The following ITGA6 variants were observed in gnomAD, a reference collection of about 807,000 sequenced individuals.
The protein encoded by ITGA6 is integrin subunit alpha 6.
A neutral mutation model predicts 133.6 loss-of-function variants in ITGA6; 63 were observed. That is an observed-to-expected ratio of 0.47 (90% CI 0.38 to 0.58). The LOEUF is 0.58. ITGA6 is among the 20% of genes least tolerant of loss of function. The pLI, the probability that ITGA6 is intolerant of heterozygous loss-of-function variation, is 0.00. For synonymous variants in ITGA6, 434 were observed against 482.0 expected, an observed-to-expected ratio of 0.90 and a Z score of 1.30; for missense variants, 1,068 against 1,309.4, an observed-to-expected ratio of 0.82 and a Z score of 2.85.
chr2:172,447,269 G>A (rs1684807940), intron 1 of ITGA6, among the ~76,000 whole-genome samples: 1 of 152,046 alleles, frequency 6.6e-6, no homozygotes, highest in Admixed American at 6.5e-5. Flanking sequence ...CGTCCAGACT[G>A]GAGTGCAGTG....
intron 1 of ITGA6, among the ~76,000 whole-genome samples, chr2:172,440,445 G>T (rs58514604): frequency 0.2 from 30,062 of 152,016 alleles, 4,231 homozygotes; most frequent in East Asian, 0.78. Context: ...TAAAGTGTAT[G>T]ATTCAGTATT....
At chr2:172,479,938 T>C in intron 10 of ITGA6, 52 bp from the exon 11 acceptor site, 1 of 1,302,526 alleles carries the variant, frequency 7.7e-7, no homozygotes, top group Non-Finnish European at 1.1e-6. Context: ...TGTTGGGTTT[T>C]TTCCACTGCA....
chr2:172,465,681 ACT>A lies in ITGA6; in HGVS notation c.307+20_307+21del. On this transcript the variant is annotated intron_variant, in intron 2 of 25. Coordinates refer to ENST00000684293, the MANE Select transcript of ITGA6 (RefSeq NM_000210.4). ...TAACGATGGTGCGTTCCTTTCCCTC[ACT>A]CAGCGTTCACTCCGGCAGCTTGCCT... 1.2e-6 allele frequency: 2 copies of A among 1,613,912 alleles called. No individual in the cohort carries two copies. Among genetic ancestry groups the A allele is most frequent in the Non-Finnish European group, 1.7e-6 (2 of 1,179,878 alleles).
At position 172,504,495 on chromosome 2, in the gene ITGA6, T is replaced by C. The variant is rs1189513261; in HGVS notation, c.*427T>C. The C allele has an allele frequency of 2.2e-5, 8 of 362,014 alleles. No homozygotes were observed. In the South Asian group the frequency reaches 2.8e-4, roughly 13 times the overall value. 22.4% of individuals were successfully genotyped at this position (362,014 alleles called of 1,614,324 possible). ...AACTGCCGTAATTTAACTTTCTGGG[T>C]TGCCTTTATTTTTGGCGTGGCTGAC... On this transcript the variant is annotated 3_prime_UTR_variant, in exon 26 of 26. Transcript: ENST00000684293.
chr2:172,445,356 A>G (rs1684718016), intron 1 of ITGA6, among the ~76,000 whole-genome samples: 1 of 140,362 alleles, frequency 7.1e-6, no homozygotes, highest in African/African-American at 2.5e-5. Context: ...TTTTTTAACA[A>G]AAAAAAAAAA....
intron 23 of ITGA6, among the ~76,000 whole-genome samples, chr2:172,493,673 A>C (rs962914720): frequency 6.6e-6 from 1 of 152,196 alleles, no homozygotes; most frequent in Non-Finnish European, 1.5e-5. Flanking sequence ...ACTCTGTGGC[A>C]CTTGGTCCCC....
chr2:172,499,988 T>G (rs1559158839), intron 24 of ITGA6, among the ~76,000 whole-genome samples: 1 of 152,224 alleles, frequency 6.6e-6, no homozygotes, highest in South Asian at 2.1e-4. Flanking sequence ...GACTCTAAAA[T>G]ACGACTTATA....
intron 1 of ITGA6, chr2:172,428,509 G>T (rs1389204333): frequency 6.6e-6 from 1 of 151,194 alleles, no homozygotes; most frequent in Non-Finnish European, 1.5e-5. Flanking sequence ...TCAGCAAGGC[G>T]GGGGCGCTCC....
At chr2:172,448,554 A>G (rs1262428622) in intron 1 of ITGA6, among the ~76,000 whole-genome samples, 1 of 152,222 alleles carries the variant, frequency 6.6e-6, no homozygotes, top group Non-Finnish European at 1.5e-5. Flanking sequence ...AGGAGATGAT[A>G]GCTGTTGGGG....
chr2:172,468,215 A>G (rs891794563), intron 3 of ITGA6, among the ~76,000 whole-genome samples: 1 of 152,198 alleles, frequency 6.6e-6, no homozygotes, highest in African/African-American at 2.4e-5. Flanking sequence ...GAAAGTAATA[A>G]CCAGGTAGTT....
chr2:172,460,646 C>T (rs187743828), intron 1 of ITGA6, among the ~76,000 whole-genome samples: 1 of 152,202 alleles, frequency 6.6e-6, no homozygotes. Context: ...TGCTTTCTAC[C>T]GTTAAGTCTT....
At chr2:172,477,918 C>T (rs1686248918) in intron 9 of ITGA6, among the ~76,000 whole-genome samples, 1 of 152,158 alleles carries the variant, frequency 6.6e-6, no homozygotes, top group Admixed American at 6.5e-5. Flanking sequence ...TAAATAAACA[C>T]CAATTTTAAA....
intron 1 of ITGA6, among the ~76,000 whole-genome samples, chr2:172,459,745 A>G (rs958517967): frequency 1.3e-5 from 2 of 152,232 alleles, no homozygotes; most frequent in African/African-American, 2.4e-5. Flanking sequence ...TAATTCAAAC[A>G]AGGGGGAACA....
intron 1 of ITGA6, among the ~76,000 whole-genome samples, chr2:172,438,479 A>G (rs1196220924): frequency 6.6e-6 from 1 of 151,906 alleles, no homozygotes; most frequent in Non-Finnish European, 1.5e-5. Flanking sequence ...AGTTTGCCTC[A>G]TTAGGAGTAA....
upstream of ITGA6, chr2:172,427,575 C>T: frequency 8.0e-7 from 1 of 1,243,494 alleles, no homozygotes. Context: ...GCCTGCGAGT[C>T]TCCAGAGAAC....
intron 9 of ITGA6, 43 bp from the exon 10 acceptor site, chr2:172,479,598 G>T: frequency 6.7e-7 from 1 of 1,503,172 alleles, no homozygotes; most frequent in Non-Finnish European, 9.3e-7. Context: ...TCACATTCAA[G>T]GTAACAGAGG....
At chr2:172,493,757 C>T (rs4619573) in intron 23 of ITGA6, among the ~76,000 whole-genome samples, 34,493 of 152,024 alleles carry the variant, frequency 0.23, 4,608 homozygotes, top group East Asian at 0.55. Context: ...CAGGGTCACC[C>T]GACCAGCAAG....
chr2:172,434,688 C>G (rs1005904373), intron 1 of ITGA6, among the ~76,000 whole-genome samples: 1 of 152,120 alleles, frequency 6.6e-6, no homozygotes, highest in African/African-American at 2.4e-5. Flanking sequence ...GGCAAAAACT[C>G]ATGACATGGA....
intron 19 of ITGA6, among the ~76,000 whole-genome samples, chr2:172,488,656 A>AATAAAC (rs1277987501): frequency 6.6e-6 from 1 of 152,214 alleles, no homozygotes; most frequent in Non-Finnish European, 1.5e-5. Flanking sequence ...TGTCCTGTTG[A>AATAAAC]ATAAACATAA....
Sources: gnomAD v4.1 joint callset for allele counts (sites outside exome capture counted in the v4.1 genomes callset) on GRCh38, gnomAD v4.1.1 for gene constraint, MANE v1.5 for transcripts, NCBI Gene and HGNC (gene_info 2026-07-23, HGNC 2026-07-21) for gene names.